KDM4C: variants seen among roughly 807,000 people sequenced by gnomAD.
KDM4C encodes lysine-specific demethylase 4C.
In KDM4C, 81 loss-of-function variants were observed where a neutral mutation model predicts 129.3. The ratio of observed to expected loss-of-function variants is 0.63; its 90% CI spans 0.52 to 0.75. The LOEUF is 0.75. KDM4C is among the 30% of genes least tolerant of loss of function. KDM4C has a pLI of 0.00. For missense variants in KDM4C, 1,457 were observed against 1,304.0 expected (o/e 1.12, Z -1.81); for synonymous variants, 573 against 456.1 (o/e 1.26, Z -3.26).
intron 1 of KDM4C, among the ~76,000 whole-genome samples, chr9:6,764,671 C>T (rs1363993362): frequency 2.0e-5 from 3 of 152,138 alleles, no homozygotes; most frequent in African/African-American, 7.2e-5. Flanking sequence ...TTATGAACTG[C>T]TACTGCATAA....
chr9:7,155,964 C>G (rs559012125), intron 19 of KDM4C, among the ~76,000 whole-genome samples: 1 of 152,210 alleles, frequency 6.6e-6, no homozygotes, highest in Admixed American at 6.5e-5. Context: ...AACTAATTTA[C>G]ACTCCCACCA....
intron 10 of KDM4C, 54 bp downstream of exon 10, chr9:6,984,458 A>G (rs1228794602): frequency 8.6e-7 from 1 of 1,156,464 alleles, no homozygotes; most frequent in African/African-American, 1.5e-5. Flanking sequence ...GTTGATGATC[A>G]GATGTCTTAA....
At chr9:7,089,870 G>C (rs1029572775) in intron 17 of KDM4C, among the ~76,000 whole-genome samples, 20 of 152,244 alleles carry the variant, frequency 1.3e-4, no homozygotes, top group African/African-American at 4.8e-4. Flanking sequence ...CTAGAGTCAT[G>C]AGAGGTCAGA....
intron 5 of KDM4C, among the ~76,000 whole-genome samples, chr9:6,852,895 C>A (rs989731175): frequency 4.6e-5 from 7 of 152,148 alleles, no homozygotes; most frequent in Non-Finnish European, 1.0e-4. Flanking sequence ...CTACTTTAGA[C>A]ATTGTTTTGG....
At chr9:6,776,883 T>C (rs1823189082) in intron 1 of KDM4C, among the ~76,000 whole-genome samples, 1 of 152,226 alleles carries the variant, frequency 6.6e-6, no homozygotes, top group Non-Finnish European at 1.5e-5. Context: ...ATTACAGGCG[T>C]GAGCCCGCGT....
intron 7 of KDM4C, among the ~76,000 whole-genome samples, chr9:6,890,876 G>A (rs7866109): frequency 0.55 from 84,136 of 152,000 alleles, 23,820 homozygotes; most frequent in African/African-American, 0.68. Context: ...ATGTTCTCAC[G>A]TGGCTCAGAT....
At chr9:7,112,915 C>T (rs373504196) in intron 18 of KDM4C, among the ~76,000 whole-genome samples, 4 of 152,142 alleles carry the variant, frequency 2.6e-5, no homozygotes, top group Non-Finnish European at 5.9e-5. Flanking sequence ...TTTCCTTTAA[C>T]AATTTGGATA....
At chr9:7,074,780 G>A (rs553908516) in intron 17 of KDM4C, among the ~76,000 whole-genome samples, 2 of 152,050 alleles carry the variant, frequency 1.3e-5, no homozygotes, top group East Asian at 1.9e-4. Context: ...GCTGTATAGG[G>A]TATCACTAAG....
At chr9:6,785,286 C>T (rs1029719195) in intron 1 of KDM4C, among the ~76,000 whole-genome samples, 3 of 151,644 alleles carry the variant, frequency 2.0e-5, no homozygotes, top group African/African-American at 7.3e-5. Context: ...ACTCTAGTCC[C>T]TGCCTCCATC....
rs1307887375 is a variant in KDM4C, at chr9:7,046,877, A to T, written c.2275A>T (p.Asn759Tyr). The change falls in exon 16 of 22, where the codon AAT (asparagine) becomes TAT (tyrosine). Residue 759 changes from asparagine (N) to tyrosine (Y), a missense_variant. Coordinates refer to ENST00000381309, the MANE Select transcript of KDM4C (RefSeq NM_015061.6). ...TTCCCCCCAGGAATGCTGTCTCTGC[A>T]ATTTGAGAGGAGGTGCTCTTAAGCA... Reference protein sequence around the residue: ...NAWTAECCLCNLRGGALKQTK... With the variant: ...NAWTAECCLCYLRGGALKQTK... 6.2e-7 allele frequency: 1 copy of T among 1,607,806 alleles called. No individual in the cohort carries two copies. Among genetic ancestry groups the T allele is most frequent in the East Asian group, 2.2e-5 (1 of 44,792 alleles).
chr9:7,121,237 C>T (rs983658385), intron 18 of KDM4C, among the ~76,000 whole-genome samples: 3 of 152,184 alleles, frequency 2.0e-5, no homozygotes, highest in Admixed American at 6.6e-5. Context: ...TATGCTGCCT[C>T]ATGCATCTGT....
At chr9:6,757,606 G>C (rs1487314156), upstream of KDM4C, 1 of 984,894 alleles carries the variant, frequency 1.0e-6, no homozygotes, top group African/African-American at 1.7e-5. Context: ...GCTCCACCCC[G>C]GTAACGCCAC....
At position 6,758,735 on chromosome 9, in the gene KDM4C, C is replaced by T. The variant is rs1420010098; in HGVS notation, c.-18+532C>T. 1.3e-5 allele frequency among the ~76,000 whole-genome samples: 2 copies of T among 152,340 alleles called. No individual in the cohort carries two copies. The highest frequency in any genetic ancestry group is 4.8e-5 in the African/African-American group (2 of 41,582). The stretch of plus-strand genomic sequence containing the variant: ...GCGGCTGTCCTTTTGGTGTTTCTTT[C>T]CCCCGGCATGGGGCCATTTCTTCCT... On this transcript the variant is annotated intron_variant, in intron 1 of 21. Coordinates refer to ENST00000381309, the MANE Select transcript of KDM4C (RefSeq NM_015061.6). The surrounding 1 kb of genome is among the most constrained non-coding windows in gnomAD (Gnocchi z 4.6).
chr9:6,728,420 A>G (rs946035410), intron 1 of KDM4C, among the ~76,000 whole-genome samples: 4 of 152,056 alleles, frequency 2.6e-5, no homozygotes, highest in Non-Finnish European at 5.9e-5. Context: ...TGAAATCCCC[A>G]CTACTCAGGA....
At chr9:7,130,073 G>A (rs796515346) in intron 19 of KDM4C, among the ~76,000 whole-genome samples, 53 of 152,334 alleles carry the variant, frequency 3.5e-4, no homozygotes, top group African/African-American at 1.2e-3. Flanking sequence ...TTGGTAGAAT[G>A]AGGCCCCTGG....
chr9:6,721,158 C>G (rs1360822535), intron 1 of KDM4C: 12 of 482,318 alleles, frequency 2.5e-5, no homozygotes, highest in African/African-American at 1.6e-4. Context: ...ACTGCAGCCT[C>G]AACATCCCAG....
intron 6 of KDM4C, among the ~76,000 whole-genome samples, chr9:6,882,044 C>G (rs1254797471): frequency 1.3e-5 from 2 of 152,202 alleles, no homozygotes; most frequent in African/African-American, 2.4e-5. Context: ...CTATTGAAAT[C>G]TTGATTGACT....
intron 18 of KDM4C, among the ~76,000 whole-genome samples, chr9:7,126,265 G>A (rs992365918): frequency 5.3e-5 from 8 of 152,120 alleles, no homozygotes; most frequent in African/African-American, 1.4e-4. Context: ...CATATTCTTA[G>A]GTAAGGACTG....
At chr9:7,102,729 C>G (rs138466332) in intron 17 of KDM4C, among the ~76,000 whole-genome samples, 3,860 of 152,266 alleles carry the variant, frequency 0.025, 214 homozygotes, top group Admixed American at 0.14. Flanking sequence ...AAAAGAAAAT[C>G]TACCTATAAA....
Sources: allele counts gnomAD v4.1 joint callset (sites outside exome capture counted in the v4.1 genomes callset), GRCh38; gene constraint gnomAD v4.1.1; non-coding constraint Gnocchi (gnomAD v3.1); transcripts MANE v1.5; gene names NCBI Gene and HGNC (gene_info 2026-07-23, HGNC 2026-07-21).